The following CHODL variants were observed in gnomAD, a reference collection of about 807,000 sequenced individuals.
CHODL encodes transmembrane protein MT75.
In CHODL, 29 loss-of-function variants were observed where a neutral mutation model predicts 34.5. The observed-to-expected ratio is 0.84, with a 90% CI of 0.63 to 1.15. The LOEUF (loss-of-function observed/expected upper bound fraction) is 1.15, where lower values mean the gene tolerates loss of function less well. Among genes scored for constraint, CHODL ranks in the 50% most tolerant of loss-of-function variants. The probability of loss-of-function intolerance (pLI) is 0.00; values close to 1 mark genes in which losing one functional copy is unlikely to be tolerated. For missense variants in CHODL, 332 were observed against 332.5 expected (o/e 1.00, Z 0.01); for synonymous variants, 125 against 116.1 (o/e 1.08, Z -0.49).
intron 2 of CHODL, among the ~76,000 whole-genome samples, chr21:18,124,465 G>A (rs552463032): frequency 1.3e-5 from 2 of 152,246 alleles, no homozygotes; most frequent in South Asian, 4.1e-4. Flanking sequence ...GTAAGACATG[G>A]CATTCAGAAA....
At chr21:18,042,494 A>T (rs932639868) in intron 2 of CHODL, among the ~76,000 whole-genome samples, 1 of 152,050 alleles carries the variant, frequency 6.6e-6, no homozygotes, top group Non-Finnish European at 1.5e-5. Flanking sequence ...TTTTGTAGAT[A>T]AGGAACTTAA....
intron 1 of CHODL, among the ~76,000 whole-genome samples, chr21:17,925,132 AG>A (rs1435711661): frequency 6.6e-6 from 1 of 152,210 alleles, no homozygotes; most frequent in African/African-American, 2.4e-5. Context: ...AAGAAAGGAA[AG>A]GACACACCCC....
At chr21:17,968,121 A>T (rs2063587389) in intron 1 of CHODL, among the ~76,000 whole-genome samples, 1 of 152,158 alleles carries the variant, frequency 6.6e-6, no homozygotes, top group African/African-American at 2.4e-5. Flanking sequence ...GTCTGTTGAG[A>T]ACCTGCACAT....
intron 2 of CHODL, among the ~76,000 whole-genome samples, chr21:18,154,576 C>T (rs1174839158): frequency 6.6e-6 from 1 of 152,030 alleles, no homozygotes; most frequent in Non-Finnish European, 1.5e-5. Flanking sequence ...AAAAATTTTT[C>T]TGTCTCAAAA....
intron 2 of CHODL, among the ~76,000 whole-genome samples, chr21:18,060,175 C>T (rs1389370060): frequency 6.6e-6 from 1 of 152,102 alleles, no homozygotes; most frequent in Non-Finnish European, 1.5e-5. Context: ...GTCAAACTAG[C>T]CAGGCATGGT....
chr21:18,249,841 C>G (rs569450188), intron 1 of CHODL, among the ~76,000 whole-genome samples: 4 of 152,232 alleles, frequency 2.6e-5, no homozygotes, highest in Admixed American at 6.5e-5. Context: ...AAGGTTCAAA[C>G]ACAGTTATGC....
chr21:17,943,398 A>G (rs544679694), intron 1 of CHODL, among the ~76,000 whole-genome samples: 3 of 152,362 alleles, frequency 2.0e-5, no homozygotes, highest in Admixed American at 1.3e-4. Context: ...GCATAGGCCA[A>G]TTAGTTGCAA....
chr21:18,170,202 T>G (rs977615906), intron 2 of CHODL, among the ~76,000 whole-genome samples: 8 of 152,084 alleles, frequency 5.3e-5, no homozygotes, highest in Non-Finnish European at 1.0e-4. Flanking sequence ...AAATAAGTTT[T>G]TGTTTTAAAG....
chr21:18,138,098 A>G (rs1479571971), intron 2 of CHODL, among the ~76,000 whole-genome samples: 2 of 151,868 alleles, frequency 1.3e-5, no homozygotes, highest in East Asian at 3.8e-4. Context: ...TTGTTACACA[A>G]CTTCATTATT....
intron 2 of CHODL, among the ~76,000 whole-genome samples, chr21:18,168,584 A>T (rs2073185860): frequency 6.6e-6 from 1 of 152,242 alleles, no homozygotes; most frequent in African/African-American, 2.4e-5. Flanking sequence ...ATGGAGAAAT[A>T]TCTATATTCA....
At chr21:18,247,435 A>G (rs367705735) in intron 1 of CHODL, among the ~76,000 whole-genome samples, 31 of 152,274 alleles carry the variant, frequency 2.0e-4, no homozygotes, top group East Asian at 1.7e-3. Flanking sequence ...ATAATTCTCC[A>G]CATAAATTAT....
At chr21:17,966,776 A>T (rs1226612429) in intron 1 of CHODL, among the ~76,000 whole-genome samples, 2 of 152,256 alleles carry the variant, frequency 1.3e-5, no homozygotes, top group East Asian at 3.9e-4. Context: ...AATTCCCTTG[A>T]ATGACTTGCC....
At chr21:18,066,141 A>G (rs2064728935) in intron 2 of CHODL, among the ~76,000 whole-genome samples, 2 of 152,090 alleles carry the variant, frequency 1.3e-5, no homozygotes, top group South Asian at 4.1e-4. Context: ...ATGCTACTAA[A>G]TTATGTTTTC....
chr21:18,038,921 TTAAAAA>T (rs138725201), intron 2 of CHODL, among the ~76,000 whole-genome samples: 2,565 of 151,750 alleles, frequency 0.017, 158 homozygotes, highest in East Asian at 0.15. Context: ...TCCATGGTAC[TTAAAAA>T]TAAGAATCTA....
chr21:18,052,733 A>G (rs758326452), intron 2 of CHODL, among the ~76,000 whole-genome samples: 4 of 151,864 alleles, frequency 2.6e-5, no homozygotes, highest in African/African-American at 4.8e-5. Context: ...CTTATATCAC[A>G]CAGTTTTGCT....
chr21:18,151,984 A>G (rs2072974471), intron 2 of CHODL, among the ~76,000 whole-genome samples: 1 of 128,438 alleles, frequency 7.8e-6, no homozygotes, highest in South Asian at 2.9e-4. Context: ...ATATGTATAT[A>G]ACTCTGTGTG....
chr21:18,043,966 C>A (rs1160621393), intron 2 of CHODL, among the ~76,000 whole-genome samples: 2 of 151,902 alleles, frequency 1.3e-5, no homozygotes, highest in South Asian at 2.1e-4. Flanking sequence ...TATGTGGAAA[C>A]CATCTCCATG....
intron 5 of CHODL, among the ~76,000 whole-genome samples, chr21:18,263,563 AC>A (rs2074408164): frequency 6.6e-6 from 1 of 152,180 alleles, no homozygotes; most frequent in South Asian, 2.1e-4. Flanking sequence ...TAAAAATGAA[AC>A]AAAATTCAAT....
chr21:18,119,777 T>C (rs748985411), intron 2 of CHODL, among the ~76,000 whole-genome samples: 63 of 152,172 alleles, frequency 4.1e-4, no homozygotes, highest in Non-Finnish European at 6.3e-4. Flanking sequence ...TAAAATTATA[T>C]ATGAGCATTG....
Sources: gnomAD v4.1 joint callset for allele counts (sites outside exome capture counted in the v4.1 genomes callset) on GRCh38, gnomAD v4.1.1 for gene constraint, MANE v1.5 for transcripts, NCBI Gene and HGNC (gene_info 2026-07-23, HGNC 2026-07-21) for gene names.